Variants in EPB41 observed in about 807,000 individuals in gnomAD.
EPB41 encodes the protein protein 4.1.
In EPB41, 65 loss-of-function variants were observed where a neutral mutation model predicts 108.0. That is an observed-to-expected ratio of 0.60 (90% CI 0.49 to 0.74). The LOEUF (loss-of-function observed/expected upper bound fraction) is 0.74, where lower values mean the gene tolerates loss of function less well. Among genes scored for constraint, EPB41 ranks in the 30% least tolerant of loss-of-function variants. The pLI, the probability that EPB41 is intolerant of heterozygous loss-of-function variation, is 0.00. For missense variants in EPB41, 875 were observed against 1,037.0 expected, an observed-to-expected ratio of 0.84 and a Z score of 2.15; for synonymous variants, 336 against 358.9, an observed-to-expected ratio of 0.94 and a Z score of 0.72.
chr1:29,096,274 C>G, intron 16 of EPB41: 1 of 985,828 alleles, frequency 1.0e-6, no homozygotes, highest in Non-Finnish European at 1.2e-6. Context: ...GCCAGATGAC[C>G]ACCTCGTCGG....
intron 1 of EPB41, among the ~76,000 whole-genome samples, chr1:28,929,843 CTTTTTTTTTTT>C (rs56337991): frequency 6.9e-5 from 7 of 101,886 alleles, no homozygotes; most frequent in African/African-American, 9.9e-5. Flanking sequence ...ACTGGGCCTT[CTTTTTTTTTTT>C]TTTTTTTTTT....
chr1:29,030,762 C>A (rs1220810446), intron 8 of EPB41, among the ~76,000 whole-genome samples: 1 of 150,454 alleles, frequency 6.6e-6, no homozygotes, highest in Non-Finnish European at 1.5e-5. Flanking sequence ...GGCGACAGAG[C>A]AAGACCCCGT....
chr1:29,049,207 T>C (rs375473776), intron 11 of EPB41, among the ~76,000 whole-genome samples: 4 of 152,246 alleles, frequency 2.6e-5, no homozygotes, highest in South Asian at 4.1e-4. Flanking sequence ...CAAGCGTAGC[T>C]AATAATGATG....
intron 4 of EPB41, among the ~76,000 whole-genome samples, chr1:29,010,494 T>C (rs529517420): frequency 6.6e-5 from 10 of 152,362 alleles, no homozygotes; most frequent in East Asian, 1.9e-4. Flanking sequence ...TTTATACTTA[T>C]GTTTTATGTA....
chr1:28,936,043 T>TAA (rs1281309670), intron 1 of EPB41, among the ~76,000 whole-genome samples: 1 of 152,226 alleles, frequency 6.6e-6, no homozygotes, highest in Non-Finnish European at 1.5e-5. Flanking sequence ...ATATCCTTCT[T>TAA]ACGCTGTTCT....
rs534765880 is a variant in EPB41 at position 29,116,555 on chromosome 1, G to A, written c.*7-264G>A. On this transcript the variant is annotated intron_variant, in intron 20 of 20. Transcript: ENST00000343067. ...GGAGATGGGTGGGCATGCAGAGCAG[G>A]GAGGTAATGGCTGAAGCTCTGAGAC... 8.5e-5 allele frequency among the ~76,000 whole-genome samples: 13 copies of A among 152,284 alleles called. No individual in the cohort carries two copies. In the South Asian group the frequency reaches 2.3e-3, roughly 27 times the overall value.
chr1:29,017,700 G>C (rs1425044496), intron 6 of EPB41, among the ~76,000 whole-genome samples: 1 of 152,074 alleles, frequency 6.6e-6, no homozygotes, highest in Non-Finnish European at 1.5e-5. Flanking sequence ...TGCACACTTG[G>C]CATAGCAATG....
intron 15 of EPB41, among the ~76,000 whole-genome samples, chr1:29,062,614 G>T (rs1646743645): frequency 6.6e-6 from 1 of 151,300 alleles, no homozygotes; most frequent in Non-Finnish European, 1.5e-5. Flanking sequence ...TTTTTCCCCT[G>T]TAAGGAAGTT....
At position 28,887,455 on chromosome 1, in the gene EPB41, G is replaced by C; in HGVS notation, c.-8+245G>C. 1 of 985,324 alleles carries C rather than the reference G, an allele frequency of 1.0e-6. No individual in the cohort carries two copies. The highest frequency in any genetic ancestry group is 1.2e-6 in the Non-Finnish European group (1 of 829,886). 61.0% of individuals were successfully genotyped at this position (985,324 alleles called of 1,614,324 possible). On this transcript the variant is annotated intron_variant, in intron 1 of 16. Transcript: ENST00000347529. The surrounding 1 kb of genome is among the most constrained non-coding windows in gnomAD (Gnocchi z 4.9). ...GGGAGTCTGGAGAGGGGGTCCGGGA[G>C]CTCGGATCCGGAGCTAGACACGTCC... is the stretch of plus-strand genomic sequence containing the variant.
At chr1:28,899,657 A>G (rs2091071797) in intron 1 of EPB41, among the ~76,000 whole-genome samples, 1 of 152,166 alleles carries the variant, frequency 6.6e-6, no homozygotes, top group Non-Finnish European at 1.5e-5. Flanking sequence ...AATAGGCCTA[A>G]AAGAGAAAAC....
At chr1:28,961,683 A>G (rs2095219224) in intron 1 of EPB41, among the ~76,000 whole-genome samples, 1 of 152,254 alleles carries the variant, frequency 6.6e-6, no homozygotes, top group Non-Finnish European at 1.5e-5. Flanking sequence ...TCAGGAATAC[A>G]TATATTAACA....
chr1:29,070,478 A>T, intron 16 of EPB41: 1 of 1,232,180 alleles, frequency 8.1e-7, no homozygotes, highest in Non-Finnish European at 1.0e-6. Context: ...CAAGGTTTCT[A>T]TTCCAATCCC....
intron 1 of EPB41, among the ~76,000 whole-genome samples, chr1:28,889,096 T>C (rs2089809053): frequency 6.6e-6 from 1 of 152,322 alleles, no homozygotes; most frequent in East Asian, 1.9e-4. Context: ...CCTTCCACTT[T>C]CCTGCTGTGT....
In EPB41 at chr1:28,964,631, T is replaced by TA. The variant is rs35505494; in HGVS notation, c.-7-22797dup. On this transcript the variant is annotated intron_variant, in intron 1 of 20. Coordinates refer to ENST00000343067, the MANE Select transcript of EPB41 (RefSeq NM_001376013.1). ...CAAATAAATAAATAAATAAATAAAA[T>TA]AAATAAATAAATAAAATTTTCTAAT... is the stretch of plus-strand genomic sequence containing the variant. Among the ~76,000 whole-genome samples the TA allele has an allele frequency of 1.4e-3, 214 of 149,886 alleles. 2 individuals carry two copies. In the East Asian group the frequency reaches 0.03, roughly 21 times the overall value.
At chr1:28,914,997 A>C (rs1419045440) in intron 1 of EPB41, among the ~76,000 whole-genome samples, 1 of 151,630 alleles carries the variant, frequency 6.6e-6, no homozygotes, top group Non-Finnish European at 1.5e-5. Flanking sequence ...CCGCTGAGGA[A>C]AGGGGAAGGG....
At chr1:29,015,543 C>A in intron 5 of EPB41, 149 bp from the exon 6 acceptor site, 1 of 609,134 alleles carries the variant, frequency 1.6e-6, no homozygotes, top group Non-Finnish European at 2.9e-6. Flanking sequence ...TACGGCACTC[C>A]AGCCTGGGCA....
chr1:29,051,291 G>A (rs946765033), intron 11 of EPB41, among the ~76,000 whole-genome samples: 9 of 150,600 alleles, frequency 6.0e-5, no homozygotes, highest in African/African-American at 1.5e-4. Flanking sequence ...TAGAGACGAC[G>A]TTTCACCTTG....
chr1:28,976,753 A>T lies in EPB41; in HGVS notation c.-7-10678A>T, dbSNP rs1055490317. 5.3e-5 allele frequency among the ~76,000 whole-genome samples: 8 copies of T among 151,998 alleles called. 1 individual carries two copies. The highest frequency in any genetic ancestry group is 4.6e-4 in the Admixed American group (7 of 15,252). On this transcript the variant is annotated intron_variant, in intron 1 of 20. Transcript: ENST00000343067. ...CTGGAATTCTTACTAGTTTCTTTGG[A>T]TTTACAATGTTCTTAATAATACTGG...
At chr1:28,911,859 A>G (rs1245615296), upstream of EPB41, among the ~76,000 whole-genome samples, 2 of 151,040 alleles carry the variant, frequency 1.3e-5, no homozygotes, top group South Asian at 4.2e-4. Flanking sequence ...CCTGACCAAC[A>G]TGGAGAAACC....
Sources: allele counts gnomAD v4.1 joint callset (sites outside exome capture counted in the v4.1 genomes callset), GRCh38; gene constraint gnomAD v4.1.1; non-coding constraint Gnocchi (gnomAD v3.1); transcripts MANE v1.5; gene names NCBI Gene and HGNC (gene_info 2026-07-23, HGNC 2026-07-21).